Variants in PLXDC2 observed in about 807,000 individuals in gnomAD.
PLXDC2 encodes the protein plexin domain containing 2.
A neutral mutation model predicts 68.9 loss-of-function variants in PLXDC2; 40 were observed. That is an observed-to-expected ratio of 0.58 (90% CI 0.45 to 0.76). The LOEUF is 0.76. Ranked by LOEUF, PLXDC2 falls within the 30% of genes least tolerant of loss-of-function variation. The probability of loss-of-function intolerance (pLI) is 0.00; values close to 1 mark genes in which losing one functional copy is unlikely to be tolerated. For missense variants in PLXDC2, 644 were observed against 661.9 expected (o/e 0.97, Z 0.30); for synonymous variants, 243 against 234.2 (o/e 1.04, Z -0.34).
chr10:19,825,010 GCCATCAAA>G (rs1836543946), intron 1 of PLXDC2, among the ~76,000 whole-genome samples: 1 of 152,066 alleles, frequency 6.6e-6, no homozygotes, highest in Admixed American at 6.6e-5. Flanking sequence ...TCTGTCAGAG[GCCATCAAA>G]CCAGATCTAA....
intron 1 of PLXDC2, among the ~76,000 whole-genome samples, chr10:19,914,535 T>TA (rs1229963279): frequency 6.6e-6 from 1 of 152,242 alleles, no homozygotes; most frequent in African/African-American, 2.4e-5. Context: ...GTTGAAACGT[T>TA]AAAGTTACTT....
chr10:20,267,472 T>C (rs1341979796), intron 13 of PLXDC2, among the ~76,000 whole-genome samples: 1 of 152,144 alleles, frequency 6.6e-6, no homozygotes, highest in African/African-American at 2.4e-5. Context: ...CAGCTTTTAC[T>C]AACTATGTGA....
At chr10:19,907,626 A>G (rs534999409) in intron 1 of PLXDC2, among the ~76,000 whole-genome samples, 1 of 152,222 alleles carries the variant, frequency 6.6e-6, no homozygotes, top group East Asian at 1.9e-4. Flanking sequence ...GCTTTCCTAA[A>G]TCTGTGGCTA....
At chr10:20,035,525 C>T (rs998676939) in intron 2 of PLXDC2, among the ~76,000 whole-genome samples, 17 of 151,702 alleles carry the variant, frequency 1.1e-4, no homozygotes, top group African/African-American at 3.4e-4. Flanking sequence ...GGTAAAACCC[C>T]GTCTCTACTA....
At chr10:20,085,001 T>C (rs1833171441) in intron 4 of PLXDC2, among the ~76,000 whole-genome samples, 3 of 152,012 alleles carry the variant, frequency 2.0e-5, no homozygotes, top group Admixed American at 2.0e-4. Context: ...ATGCAATAAA[T>C]ATCTTGCCTT....
intron 1 of PLXDC2, among the ~76,000 whole-genome samples, chr10:19,984,750 G>A (rs1240964295): frequency 6.6e-6 from 1 of 152,158 alleles, no homozygotes; most frequent in African/African-American, 2.4e-5. Flanking sequence ...GTAGTTCTCT[G>A]ATCTAGCTGC....
intron 13 of PLXDC2, among the ~76,000 whole-genome samples, chr10:20,270,229 G>A (rs1380699330): frequency 6.6e-6 from 1 of 152,046 alleles, no homozygotes; most frequent in African/African-American, 2.4e-5. Context: ...TAATACAGGA[G>A]CCATGTGAAG....
intron 4 of PLXDC2, among the ~76,000 whole-genome samples, chr10:20,113,952 C>T (rs1833590487): frequency 6.6e-6 from 1 of 152,000 alleles, no homozygotes; most frequent in Non-Finnish European, 1.5e-5. Flanking sequence ...ATGGTGAAAC[C>T]CTGTCTACTA....
chr10:20,283,108 G>A lies in PLXDC2; in HGVS notation c.*3289G>A, dbSNP rs565706295. On this transcript the variant is annotated 3_prime_UTR_variant, in exon 14 of 14. Coordinates refer to ENST00000377252, the MANE Select transcript of PLXDC2 (RefSeq NM_032812.9). Reference sequence around the variant, plus strand: ...ATGCTGTGTTTCATTTGAATTCGTTGTCCTTGAAGAAAAGGGAAGAAGAGG... The same window carrying A: ...ATGCTGTGTTTCATTTGAATTCGTTATCCTTGAAGAAAAGGGAAGAAGAGG... 5 of 152,214 alleles carry A rather than the reference G, an allele frequency of 3.3e-5. No homozygotes were observed. The highest frequency in any genetic ancestry group is 1.2e-4 in the African/African-American group (5 of 41,544). The allele number at this position is 152,214 out of a possible 1,614,324, so 9.4% of individuals were successfully genotyped here. A position where few individuals can be genotyped will look rare whatever the true frequency, so the allele number is the denominator to read the frequency against.
intron 1 of PLXDC2, among the ~76,000 whole-genome samples, chr10:19,928,273 A>G (rs1303594387): frequency 6.6e-6 from 1 of 152,156 alleles, no homozygotes; most frequent in Non-Finnish European, 1.5e-5. Context: ...CAGTGTCTTT[A>G]TGATATAGTG....
chr10:20,198,299 T>C (rs1307648675), intron 9 of PLXDC2, among the ~76,000 whole-genome samples: 2 of 152,186 alleles, frequency 1.3e-5, no homozygotes, highest in Non-Finnish European at 2.9e-5. Context: ...TTATTAATTG[T>C]TCTTTGCGTT....
intron 4 of PLXDC2, among the ~76,000 whole-genome samples, chr10:20,133,720 G>A (rs919118575): frequency 1.9e-4 from 29 of 152,220 alleles, no homozygotes; most frequent in African/African-American, 3.6e-4. Context: ...TTCTTTGGGC[G>A]TCATGGATCT....
At chr10:20,266,695 T>A (rs1835876688) in intron 13 of PLXDC2, among the ~76,000 whole-genome samples, 1 of 152,170 alleles carries the variant, frequency 6.6e-6, no homozygotes, top group Non-Finnish European at 1.5e-5. Context: ...TAGAAATGAC[T>A]GATCAGTTCT....
chr10:20,072,402 AGAAAGAAAGAG>A (rs1158216336), intron 4 of PLXDC2, among the ~76,000 whole-genome samples: 106 of 128,072 alleles, frequency 8.3e-4, no homozygotes, highest in Non-Finnish European at 1.5e-3. Context: ...GAAAGAAAGA[AGAAAGAAAGAG>A]GAAAGAAAGA....
At chr10:20,171,006 AC>A (rs1834439752) in intron 7 of PLXDC2, among the ~76,000 whole-genome samples, 1 of 152,154 alleles carries the variant, frequency 6.6e-6, no homozygotes, top group Non-Finnish European at 1.5e-5. Flanking sequence ...TTATTAAATA[AC>A]AAATTTTCAA....
intron 1 of PLXDC2, among the ~76,000 whole-genome samples, chr10:19,855,795 G>A (rs138013634): frequency 4.6e-5 from 7 of 152,210 alleles, no homozygotes; most frequent in Non-Finnish European, 5.9e-5. Flanking sequence ...CAAAAATTGT[G>A]TGCCATTAGG....
At chr10:20,020,159 A>G (rs1047913080) in intron 2 of PLXDC2, among the ~76,000 whole-genome samples, 10 of 144,024 alleles carry the variant, frequency 6.9e-5, no homozygotes, top group Admixed American at 4.2e-4. Flanking sequence ...CTACAAACAC[A>G]TGCCACCACA....
Position 20,260,028 on chromosome 10 carries a change from C to A in PLXDC2, c.1473+14523C>A, listed in dbSNP as rs548029518. On this transcript the variant is annotated intron_variant, in intron 13 of 13. Coordinates refer to ENST00000377252, the MANE Select transcript of PLXDC2 (RefSeq NM_032812.9). ...TCGTATATGTCTTAATGATAGCCAT[C>A]ATTTACTTAGCAGATACTCTATATC... is the stretch of plus-strand genomic sequence containing the variant. Among the ~76,000 whole-genome samples the A allele has an allele frequency of 3.3e-5, 5 of 152,270 alleles. No homozygotes were observed. The South Asian group carries it at 1.0e-3, about 32-fold the overall frequency.
intron 1 of PLXDC2, among the ~76,000 whole-genome samples, chr10:19,860,777 G>A (rs1837304402): frequency 1.3e-5 from 2 of 152,154 alleles, no homozygotes; most frequent in African/African-American, 4.8e-5. Flanking sequence ...GTGGAACTAA[G>A]CTCATTCTCT....
Sources: gnomAD v4.1 joint callset for allele counts (sites outside exome capture counted in the v4.1 genomes callset) on GRCh38, gnomAD v4.1.1 for gene constraint, MANE v1.5 for transcripts, NCBI Gene and HGNC (gene_info 2026-07-23, HGNC 2026-07-21) for gene names.